The following VPS41 variants were observed in gnomAD, a reference collection of about 807,000 sequenced individuals.
VPS41 encodes the protein vacuolar protein sorting-associated protein 41 homolog.
Under a neutral mutation model 130.9 loss-of-function variants are expected in VPS41, and 85 were observed. That is an observed-to-expected ratio of 0.65 (90% confidence interval 0.55 to 0.78). The LOEUF (loss-of-function observed/expected upper bound fraction) is 0.78. VPS41 is among the 30% of genes least tolerant of loss of function. VPS41 has a pLI of 0.00. For missense variants in VPS41, 874 were observed against 1,018.7 expected, an observed-to-expected ratio of 0.86 and a Z score of 1.93; for synonymous variants, 335 against 332.9, an observed-to-expected ratio of 1.01 and a Z score of -0.07.
Position 38,743,548 on chromosome 7 carries a change from T to G in VPS41, c.1982-6A>C, listed in dbSNP as rs1314195573. The G allele has an allele frequency of 1.9e-6, 3 of 1,613,230 alleles. No homozygotes were observed. In the African/African-American group the frequency reaches 4.0e-5, roughly 22 times the overall value. ...TCGGCTATTACCCATTCGGCCTTGG[T>G]GGGGTGAAGATGGGAGAAAGAGTTC... is the stretch of plus-strand genomic sequence containing the variant. On this transcript the variant is annotated splice_region_variant and splice_polypyrimidine_tract_variant and intron_variant, in intron 23 of 28. Transcript: ENST00000310301.
chr7:38,842,615 C>A (rs150565245), intron 4 of VPS41, among the ~76,000 whole-genome samples: 3,241 of 152,280 alleles, frequency 0.021, 46 homozygotes, highest in African/African-American at 0.043. Flanking sequence ...TCCAGCCAGA[C>A]CCAAAAGATT....
At chr7:38,856,265 C>T (rs1396645424) in intron 4 of VPS41, among the ~76,000 whole-genome samples, 3 of 152,048 alleles carry the variant, frequency 2.0e-5, no homozygotes, top group Non-Finnish European at 4.4e-5. Flanking sequence ...CTCAAGTGAC[C>T]CTCCTGTCGT....
At chr7:38,852,389 G>A (rs1406237167) in intron 4 of VPS41, among the ~76,000 whole-genome samples, 1 of 152,082 alleles carries the variant, frequency 6.6e-6, no homozygotes, top group Non-Finnish European at 1.5e-5. Context: ...ACTATCCCTG[G>A]TGTTCTCCCT....
intron 4 of VPS41, among the ~76,000 whole-genome samples, chr7:38,840,055 A>G (rs1451019832): frequency 6.6e-6 from 1 of 152,170 alleles, no homozygotes; most frequent in Non-Finnish European, 1.5e-5. Flanking sequence ...CCACCCTTCC[A>G]TCGCTAACTG....
chr7:38,899,179 C>G (rs1408412140), intron 1 of VPS41, among the ~76,000 whole-genome samples: 1 of 152,164 alleles, frequency 6.6e-6, no homozygotes, highest in Non-Finnish European at 1.5e-5. Flanking sequence ...CAACACAGTC[C>G]TTGCCTTCAA....
intron 19 of VPS41, among the ~76,000 whole-genome samples, chr7:38,755,183 C>T (rs1204606870): frequency 6.6e-6 from 1 of 151,780 alleles, no homozygotes; most frequent in East Asian, 2.0e-4. Context: ...CTATAACTTC[C>T]CAAATACAAA....
chr7:38,783,778 T>A (rs2115910624), intron 10 of VPS41, among the ~76,000 whole-genome samples: 1 of 152,262 alleles, frequency 6.6e-6, no homozygotes, highest in Non-Finnish European at 1.5e-5. Context: ...GGATATTAGA[T>A]TACAAAGGAT....
At chr7:38,903,395 T>C (rs918949040) in intron 1 of VPS41, among the ~76,000 whole-genome samples, 2 of 152,032 alleles carry the variant, frequency 1.3e-5, no homozygotes, top group South Asian at 2.1e-4. Flanking sequence ...GTCCTCAGAA[T>C]TGTAAGTGCC....
At position 38,834,836 on chromosome 7, in the gene VPS41, G is replaced by A. The variant is rs374636078; in HGVS notation, c.247-4508C>T. ...ACTCAAATGTTCTCATTCTAATCTG[G>A]TCATTCATATTTTCCAAGAAAAAAA... On this transcript the variant is annotated intron_variant, in intron 4 of 28. Coordinates refer to ENST00000310301, the MANE Select transcript of VPS41 (RefSeq NM_014396.4). 2.3e-4 allele frequency among the ~76,000 whole-genome samples: 35 copies of A among 149,510 alleles called. No homozygotes were observed. The South Asian group carries it at 7.0e-3, about 30-fold the overall frequency.
At chr7:38,737,758 C>T (rs1037257380) in intron 25 of VPS41, among the ~76,000 whole-genome samples, 1 of 152,118 alleles carries the variant, frequency 6.6e-6, no homozygotes, top group Admixed American at 6.5e-5. Context: ...GTGTTGTGTC[C>T]ATCTTGTAAA....
chr7:38,774,090 C>G, intron 12 of VPS41, 25 bp downstream of exon 12: 2 of 1,566,350 alleles, frequency 1.3e-6, no homozygotes, highest in Non-Finnish European at 1.7e-6. Flanking sequence ...AAAAGCATAT[C>G]AGCCAGATCT....
intron 1 of VPS41, among the ~76,000 whole-genome samples, chr7:38,905,914 C>T (rs1787249675): frequency 6.6e-6 from 1 of 152,130 alleles, no homozygotes; most frequent in South Asian, 2.1e-4. Context: ...CTGCCTCAGC[C>T]TCCCGAGTAG....
At chr7:38,734,127 T>C (rs1795720416) in intron 25 of VPS41, among the ~76,000 whole-genome samples, 1 of 152,182 alleles carries the variant, frequency 6.6e-6, no homozygotes, top group Admixed American at 6.5e-5. Context: ...GATAAACCAG[T>C]CTTTTCTTTC....
At chr7:38,817,706 C>T (rs1014426371) in intron 7 of VPS41, 111 bp downstream of exon 7, 15 of 933,058 alleles carry the variant, frequency 1.6e-5, no homozygotes, top group African/African-American at 9.7e-5. Context: ...TTGTCTTTCT[C>T]GAATTTCTCC....
chr7:38,835,889 A>C (rs1420761771), intron 4 of VPS41, among the ~76,000 whole-genome samples: 1 of 151,700 alleles, frequency 6.6e-6, no homozygotes, highest in East Asian at 1.9e-4. Context: ...CTTCCTTTTA[A>C]CTTGTAAATG....
At chr7:38,863,071 A>T (rs1317883567) in intron 3 of VPS41, among the ~76,000 whole-genome samples, 1 of 152,242 alleles carries the variant, frequency 6.6e-6, no homozygotes, top group Non-Finnish European at 1.5e-5. Context: ...TATTTTTTCG[A>T]ATGGAAAATC....
At chr7:38,864,455 G>C (rs1241741643) in intron 3 of VPS41, among the ~76,000 whole-genome samples, 1 of 152,120 alleles carries the variant, frequency 6.6e-6, no homozygotes, top group African/African-American at 2.4e-5. Flanking sequence ...AAAAGATTCA[G>C]TGATTTTTAT....
chr7:38,728,812 G>A lies in VPS41; in HGVS notation c.2260-21C>T, dbSNP rs751268293. On this transcript the variant is annotated intron_variant, in intron 25 of 28. Coordinates refer to ENST00000310301, the MANE Select transcript of VPS41 (RefSeq NM_014396.4). ...AGAATCTAATGCATACATTTTAAAA[G>A]AAAAGCCATCTTAAGTAGACTCAAA... The A allele has an allele frequency of 2.5e-6, 4 of 1,610,062 alleles. No individual in the cohort carries two copies. The African/African-American group carries it at 5.3e-5, about 22-fold the overall frequency.
chr7:38,772,608 T>G lies in VPS41; in HGVS notation c.1042A>C (p.Ile348Leu). ...EYSEGESLFY[I>L]VSPRDVVVAK... is the part of the protein sequence containing the mutation. ...ACTACAACATCTCTCGGACTCACGATGTAAAAAAGTGATTCCCCTTCAGAG... is the reference window on the plus strand; with the variant it reads ...ACTACAACATCTCTCGGACTCACGAGGTAAAAAAGTGATTCCCCTTCAGAG... Residue 348 changes from isoleucine to leucine, a missense_variant, in exon 13 of 29, where the codon ATC (isoleucine) becomes CTC (leucine). Transcript: ENST00000310301. 1 of 1,613,394 alleles carries G rather than the reference T, an allele frequency of 6.2e-7. No individual in the cohort carries two copies. The highest frequency in any genetic ancestry group is 8.5e-7 in the Non-Finnish European group (1 of 1,179,550).
Sources: allele counts gnomAD v4.1 joint callset (sites outside exome capture counted in the v4.1 genomes callset), GRCh38; gene constraint gnomAD v4.1.1; transcripts MANE v1.5; gene names NCBI Gene and HGNC (gene_info 2026-07-23, HGNC 2026-07-21).